Variants in NBEAL1 observed in about 807,000 individuals in gnomAD.
NBEAL1 encodes neurobeachin like 1.
A neutral mutation model predicts 351.3 loss-of-function variants in NBEAL1; 273 were observed. The observed-to-expected ratio is 0.78, with a 90% CI of 0.70 to 0.86. The LOEUF (loss-of-function observed/expected upper bound fraction) is 0.86, where lower values mean the gene tolerates loss of function less well. Among genes scored for constraint, NBEAL1 ranks in the 40% least tolerant of loss-of-function variants. NBEAL1 has a pLI of 0.00. For synonymous variants in NBEAL1, 1,050 were observed against 1,086.4 expected (o/e 0.97, Z 0.66); for missense variants, 2,961 against 3,201.3 (o/e 0.92, Z 1.81).
At chr2:203,110,632 C>A (rs757114777) in intron 15 of NBEAL1, among the ~76,000 whole-genome samples, 3 of 149,900 alleles carry the variant, frequency 2.0e-5, no homozygotes, top group Non-Finnish European at 4.4e-5. Context: ...TGAGATGGTG[C>A]CACTGTACTC....
At chr2:203,199,886 C>T (rs939265856) in intron 49 of NBEAL1, among the ~76,000 whole-genome samples, 1 of 152,104 alleles carries the variant, frequency 6.6e-6, no homozygotes, top group Non-Finnish European at 1.5e-5. Context: ...GGTTTAAATA[C>T]AAAACTTAGT....
At chr2:203,185,747 T>G (rs1004498005) in intron 44 of NBEAL1, among the ~76,000 whole-genome samples, 2 of 152,162 alleles carry the variant, frequency 1.3e-5, no homozygotes, top group African/African-American at 4.8e-5. Flanking sequence ...CCTCTCCAAC[T>G]GGGTAGTCAG....
intron 33 of NBEAL1, among the ~76,000 whole-genome samples, chr2:203,148,137 A>G (rs2063555922): frequency 6.6e-6 from 1 of 151,246 alleles, no homozygotes; most frequent in African/African-American, 2.5e-5. Flanking sequence ...CAATTATAAT[A>G]ACGACAACCA....
At chr2:203,173,094 C>A (rs888435971) in intron 41 of NBEAL1, among the ~76,000 whole-genome samples, 22 of 152,050 alleles carry the variant, frequency 1.4e-4, no homozygotes, top group African/African-American at 5.1e-4. Flanking sequence ...CTCAGAATTT[C>A]TTTTTACCAT....
In NBEAL1 at chr2:203,068,447, C is replaced by A; in HGVS notation, c.570C>A (p.Leu190=). Residue 190 remains leucine, a synonymous_variant, in exon 7 of 56, where the codon CTC becomes CTA. Coordinates refer to ENST00000683969, the MANE Select transcript of NBEAL1 (RefSeq NM_001378026.1). ...GACAGAAATATAAACCAGCTTCTCT[C>A]ACAGTGGAATTCGTCCCTTTCTTTT... The part of the protein sequence containing the change: ...KSRQKYKPAS[L]TVEFVPFFYQ... The A allele has an allele frequency of 6.5e-7, 1 of 1,547,166 alleles. No individual in the cohort carries two copies. The highest frequency in any genetic ancestry group is 1.2e-5 in the South Asian group (1 of 83,464).
intron 19 of NBEAL1, among the ~76,000 whole-genome samples, chr2:203,123,278 A>G (rs2062867123): frequency 6.6e-6 from 1 of 151,904 alleles, no homozygotes; most frequent in South Asian, 2.1e-4. Context: ...CATGATATAT[A>G]AAGGATTTTT....
intron 7 of NBEAL1, among the ~76,000 whole-genome samples, chr2:203,070,949 A>T (rs2061672284): frequency 6.6e-6 from 1 of 152,180 alleles, no homozygotes; most frequent in Non-Finnish European, 1.5e-5. Flanking sequence ...GTTTTTGTAG[A>T]TAAGGTCTTG....
chr2:203,177,373 T>TAA (rs35540453), intron 42 of NBEAL1, among the ~76,000 whole-genome samples: 157 of 135,478 alleles, frequency 1.2e-3, no homozygotes, highest in Admixed American at 1.8e-3. Flanking sequence ...CCATCTCTAT[T>TAA]AAAAAAAAAA....
chr2:203,097,989 A>G (rs1378296254), intron 11 of NBEAL1, among the ~76,000 whole-genome samples: 2 of 152,118 alleles, frequency 1.3e-5, no homozygotes, highest in Admixed American at 6.5e-5. Flanking sequence ...TTCTTTGTGA[A>G]TATGTATGGT....
chr2:203,199,549 T>A, intron 49 of NBEAL1, 102 bp downstream of exon 49: 1 of 599,748 alleles, frequency 1.7e-6, no homozygotes, highest in South Asian at 2.6e-5. Context: ...GAAATATTTT[T>A]TTTTTTTTTT....
chr2:203,108,632 T>C (rs2062493983), intron 14 of NBEAL1, among the ~76,000 whole-genome samples: 1 of 152,138 alleles, frequency 6.6e-6, no homozygotes, highest in Admixed American at 6.6e-5. Context: ...CTCCATCTCC[T>C]GACCTCATGA....
rs976803210 is a variant in NBEAL1, at chr2:203,088,133, A to C, written c.1098+3564A>C. Among the ~76,000 whole-genome samples the C allele has an allele frequency of 8.5e-5, 13 of 152,336 alleles. 1 individual carries two copies. Among genetic ancestry groups the C allele is most frequent in the Admixed American group, 5.2e-4 (8 of 15,300 alleles). The stretch of plus-strand genomic sequence containing the variant: ...ATTTTAAAAGTATTAGAACAGCTAC[A>C]ACATGTATTAAATGATATAAACTCC... On this transcript the variant is annotated intron_variant, in intron 10 of 55. Transcript: ENST00000683969.
chr2:203,126,264 A>T (rs981163155), intron 21 of NBEAL1, among the ~76,000 whole-genome samples, 171 bp downstream of exon 21: 22 of 152,204 alleles, frequency 1.4e-4, no homozygotes, highest in Non-Finnish European at 2.6e-4. Flanking sequence ...GAATCATCTT[A>T]TACAAGAAAT....
chr2:203,187,089 G>A (rs968750113), intron 44 of NBEAL1, among the ~76,000 whole-genome samples: 1 of 152,134 alleles, frequency 6.6e-6, no homozygotes, highest in African/African-American at 2.4e-5. Flanking sequence ...TAGAGATCCC[G>A]GGACTGAGAA....
At chr2:203,141,494 A>G (rs1439066449) in intron 31 of NBEAL1, among the ~76,000 whole-genome samples, 1 of 146,708 alleles carries the variant, frequency 6.8e-6, no homozygotes, top group Non-Finnish European at 1.5e-5. Context: ...GCAATTCCCT[A>G]GCCTCAGCCT....
intron 27 of NBEAL1, among the ~76,000 whole-genome samples, chr2:203,134,745 A>G (rs975556759): frequency 2.6e-5 from 4 of 152,180 alleles, no homozygotes; most frequent in African/African-American, 9.7e-5. Flanking sequence ...TTCTCATGTC[A>G]CTGTTTACTA....
intron 18 of NBEAL1, among the ~76,000 whole-genome samples, chr2:203,117,218 A>T (rs747711514): frequency 1.8e-4 from 28 of 152,236 alleles, no homozygotes; most frequent in Non-Finnish European, 3.4e-4. Context: ...TAATCCCAGC[A>T]CTTTGGGAGA....
intron 46 of NBEAL1, among the ~76,000 whole-genome samples, chr2:203,191,686 T>C (rs963059231): frequency 2.0e-5 from 3 of 152,212 alleles, no homozygotes; most frequent in Non-Finnish European, 2.9e-5. Flanking sequence ...ATACCTAGCC[T>C]ATAATGCCTT....
At chr2:203,035,221 G>A (rs538862985) in intron 2 of NBEAL1, among the ~76,000 whole-genome samples, 2 of 149,180 alleles carry the variant, frequency 1.3e-5, no homozygotes, top group South Asian at 4.2e-4. Context: ...TGTGACTAGT[G>A]GCCCCCATAT....
Sources: gnomAD v4.1 joint callset for allele counts (sites outside exome capture counted in the v4.1 genomes callset) on GRCh38, gnomAD v4.1.1 for gene constraint, MANE v1.5 for transcripts, NCBI Gene and HGNC (gene_info 2026-07-23, HGNC 2026-07-21) for gene names.